The following GRIK4 variants were observed in gnomAD, a reference collection of about 807,000 sequenced individuals.
The protein encoded by GRIK4 is glutamate ionotropic receptor kainate type subunit 4.
Under a neutral mutation model 104.9 loss-of-function variants are expected in GRIK4, and 40 were observed. The observed-to-expected ratio is 0.38, with a 90% CI of 0.30 to 0.50. GRIK4 has a LOEUF of 0.50. GRIK4 is among the 20% of genes least tolerant of loss of function. The pLI is 0.93. For synonymous variants in GRIK4, 485 were observed against 524.9 expected (o/e 0.92, Z 1.04); for missense variants, 1,047 against 1,308.1 (o/e 0.80, Z 3.08).
At chr11:120,917,143 A>T (rs565602809) in intron 13 of GRIK4, among the ~76,000 whole-genome samples, 8 of 148,502 alleles carry the variant, frequency 5.4e-5, no homozygotes, top group Admixed American at 3.4e-4. Context: ...GCTACTCAGG[A>T]GGCTGAGGCA....
chr11:120,539,330 C>T (rs561339835), intron 1 of GRIK4, among the ~76,000 whole-genome samples: 9 of 152,272 alleles, frequency 5.9e-5, no homozygotes, highest in South Asian at 2.1e-4. Context: ...GGCAGACCCC[C>T]GAGGGTGAGC....
At chr11:120,966,961 A>G (rs1944394090) in intron 18 of GRIK4, among the ~76,000 whole-genome samples, 1 of 152,176 alleles carries the variant, frequency 6.6e-6, no homozygotes, top group Non-Finnish European at 1.5e-5. Context: ...AGAGAAGGGA[A>G]GCAGAAAAGC....
chr11:120,927,288 C>G (rs981054889), intron 13 of GRIK4, among the ~76,000 whole-genome samples: 1 of 152,060 alleles, frequency 6.6e-6, no homozygotes, highest in African/African-American at 2.4e-5. Context: ...AAGAATTGGC[C>G]GGGCACAGTG....
intron 1 of GRIK4, among the ~76,000 whole-genome samples, chr11:120,523,310 G>T (rs111330908): frequency 6.6e-6 from 1 of 151,706 alleles, no homozygotes; most frequent in African/African-American, 2.4e-5. Context: ...CAAAGCAATC[G>T]GGCTGTCTGA....
At chr11:120,857,492 A>T (rs1041618540) in intron 8 of GRIK4, among the ~76,000 whole-genome samples, 1 of 62,318 alleles carries the variant, frequency 1.6e-5, no homozygotes, top group African/African-American at 6.6e-5. Flanking sequence ...GCACACATGT[A>T]TGCACACATG....
chr11:120,526,764 GGAGGTTGCAGTGAGCCA>G (rs921475985), intron 1 of GRIK4, among the ~76,000 whole-genome samples: 10 of 152,282 alleles, frequency 6.6e-5, no homozygotes, highest in Admixed American at 2.0e-4. Flanking sequence ...CCTGGAAGGC[GGAGGTTGCAGTGAGCCA>G]GAGGTTGCAG....
intron 14 of GRIK4, among the ~76,000 whole-genome samples, chr11:120,947,285 C>G (rs1043682658): frequency 1.1e-4 from 17 of 151,886 alleles, no homozygotes; most frequent in African/African-American, 3.6e-4. Context: ...GCCTGTAATC[C>G]CAACTACTCA....
intron 1 of GRIK4, among the ~76,000 whole-genome samples, chr11:120,639,754 C>A (rs1218437230): frequency 6.6e-6 from 1 of 152,196 alleles, no homozygotes; most frequent in Non-Finnish European, 1.5e-5. Context: ...AATGGATGTC[C>A]CAGACTCCAG....
chr11:120,741,832 C>G (rs1316515449), intron 3 of GRIK4, among the ~76,000 whole-genome samples: 1 of 152,174 alleles, frequency 6.6e-6, no homozygotes, highest in African/African-American at 2.4e-5. Context: ...TTCATTCATT[C>G]CGACCAGCAA....
intron 14 of GRIK4, among the ~76,000 whole-genome samples, chr11:120,943,633 A>G (rs609989): frequency 0.91 from 137,868 of 152,216 alleles, 62,968 homozygotes; most frequent in East Asian, 1. Context: ...TTTTTCTCTA[A>G]TTGTTATCTG....
At position 120,811,424 on chromosome 11, in the gene GRIK4, G is replaced by A. The variant is rs565328247; in HGVS notation, c.248-3954G>A. Reference sequence around the variant, plus strand: ...AAGGGGCCGGTCTTTGGGGAAATGGGTGGAGCTGTTGAATCTTGACTCTGC... The same window carrying A: ...AAGGGGCCGGTCTTTGGGGAAATGGATGGAGCTGTTGAATCTTGACTCTGC... On this transcript the variant is annotated intron_variant, in intron 4 of 20. Transcript: ENST00000527524. 2.2e-3 allele frequency among the ~76,000 whole-genome samples: 342 copies of A among 152,316 alleles called. 4 individuals are homozygous for A. The highest frequency in any genetic ancestry group is 6.8e-3 in the Middle Eastern group (2 of 294).
intron 3 of GRIK4, among the ~76,000 whole-genome samples, chr11:120,713,518 C>T (rs183622733): frequency 6.6e-6 from 1 of 152,326 alleles, no homozygotes; most frequent in Admixed American, 6.5e-5. Flanking sequence ...AAAGCACCAG[C>T]ATGTTTTGTG....
chr11:120,576,771 A>G (rs1948490417), intron 1 of GRIK4, among the ~76,000 whole-genome samples: 4 of 152,216 alleles, frequency 2.6e-5, no homozygotes, highest in Admixed American at 2.6e-4. Context: ...GGAGCTGGAT[A>G]GATCCCCATA....
Position 120,903,978 on chromosome 11 carries a change from G to A in GRIK4, c.1273-1312G>A, listed in dbSNP as rs111421774. Reference sequence around the variant, plus strand: ...ATCTTCCAATTTCCTCCTCCTTGACGCTAAGATCATGTTCCCCTGATTTTC... The same window carrying A: ...ATCTTCCAATTTCCTCCTCCTTGACACTAAGATCATGTTCCCCTGATTTTC... On this transcript the variant is annotated intron_variant, in intron 12 of 20. Coordinates refer to ENST00000527524, the MANE Select transcript of GRIK4 (RefSeq NM_014619.5). This position sits in a 1 kb window ranked among gnomAD's most constrained non-coding sequence, Gnocchi z 4.4. Among the ~76,000 whole-genome samples the A allele has an allele frequency of 1.2e-3, 179 of 152,290 alleles. No individual in the cohort carries two copies. The highest frequency in any genetic ancestry group is 3.7e-3 in the African/African-American group (155 of 41,562).
At chr11:120,735,883 T>C (rs1340269839) in intron 3 of GRIK4, among the ~76,000 whole-genome samples, 51 of 152,252 alleles carry the variant, frequency 3.3e-4, no homozygotes, top group African/African-American at 1.1e-3. Context: ...GACATCTCAG[T>C]CAGCTTGTGG....
chr11:120,723,458 C>T (rs1950968054), intron 3 of GRIK4, among the ~76,000 whole-genome samples: 1 of 152,222 alleles, frequency 6.6e-6, no homozygotes, highest in African/African-American at 2.4e-5. Flanking sequence ...AGCCCTGGAT[C>T]TGCCATTAAC....
At position 120,513,030 on chromosome 11, in the gene GRIK4, T is replaced by C. The variant is rs983011062; in HGVS notation, c.-159+1143T>C. Among the ~76,000 whole-genome samples, 4 of 152,152 alleles carry C rather than the reference T, an allele frequency of 2.6e-5. No individual in the cohort carries two copies. The highest frequency in any genetic ancestry group is 9.7e-5 in the African/African-American group (4 of 41,448). On this transcript the variant is annotated intron_variant, in intron 1 of 20. Transcript: ENST00000527524. This position sits in a 1 kb window ranked among gnomAD's most constrained non-coding sequence, Gnocchi z 4.5. ...CCATCTTCCTCTTGGTGCTGTTGTC[T>C]GGTGATGCCACGCGGTGCCACCTCC...
At chr11:120,971,936 A>G (rs17124615) in intron 19 of GRIK4, among the ~76,000 whole-genome samples, 2,760 of 152,296 alleles carry the variant, frequency 0.018, 87 homozygotes, top group African/African-American at 0.062. Flanking sequence ...ACGCTTTTTC[A>G]CAGGAGGAAC....
rs1944768994 is a variant in GRIK4, at chr11:120,987,167, A to C, written c.*907A>C. On this transcript the variant is annotated 3_prime_UTR_variant, in exon 21 of 21. Transcript: ENST00000527524. The stretch of plus-strand genomic sequence containing the variant: ...GTGAATGTAGTCTCTGAAGACAGAC[A>C]GGGGAGGAGAACAGAATGCACAAAG... 6.6e-6 allele frequency: 1 copy of C among 152,248 alleles called. No individual in the cohort carries two copies. Among genetic ancestry groups the C allele is most frequent in the Admixed American group, 6.5e-5 (1 of 15,282 alleles). The allele number at this position is 152,248 out of a possible 1,614,324, so 9.4% of individuals were successfully genotyped here.
Sources: allele counts gnomAD v4.1 joint callset (sites outside exome capture counted in the v4.1 genomes callset), GRCh38; gene constraint gnomAD v4.1.1; non-coding constraint Gnocchi (gnomAD v3.1); transcripts MANE v1.5; gene names NCBI Gene and HGNC (gene_info 2026-07-23, HGNC 2026-07-21).